Variants in THSD7B observed in about 807,000 individuals in gnomAD.
THSD7B encodes thrombospondin type-1 domain-containing protein 7B.
Under a neutral mutation model 213.6 loss-of-function variants are expected in THSD7B, and 138 were observed. That is an observed-to-expected ratio of 0.65 (90% CI 0.56 to 0.74). The LOEUF is 0.74. Ranked by LOEUF, THSD7B falls within the 30% of genes least tolerant of loss-of-function variation. The pLI is 0.00. For missense variants in THSD7B, 1,931 were observed against 1,991.5 expected (o/e 0.97, Z 0.58); for synonymous variants, 742 against 687.0 (o/e 1.08, Z -1.25).
chr2:137,651,216 A>G (rs978828024), intron 21 of THSD7B, among the ~76,000 whole-genome samples: 3 of 151,846 alleles, frequency 2.0e-5, no homozygotes, highest in South Asian at 2.1e-4. Flanking sequence ...GTTTTTTTTC[A>G]TGGGAGACTT....
In THSD7B at chr2:137,177,299, TG is replaced by T. The variant is rs561730485; in HGVS notation, c.1723+6362del. On this transcript the variant is annotated intron_variant, in intron 7 of 27. Transcript: ENST00000409968. ...CTTGTTTTTCAACTATTGAGTCATG[TG>T]TGACTCTGGAGGGGGACTAGGTTAC... is the stretch of plus-strand genomic sequence containing the variant. 1.4e-4 allele frequency among the ~76,000 whole-genome samples: 21 copies of T among 152,338 alleles called. 1 individual carries two copies. In the South Asian group the frequency reaches 4.3e-3, roughly 32 times the overall value.
At chr2:137,205,652 T>G (rs142909264) in intron 7 of THSD7B, among the ~76,000 whole-genome samples, 3 of 152,152 alleles carry the variant, frequency 2.0e-5, no homozygotes, top group African/African-American at 4.8e-5. Flanking sequence ...TGGAAACAAA[T>G]TTTTTCCAAG....
chr2:137,308,740 T>C lies in THSD7B; in HGVS notation c.2500+32714T>C, dbSNP rs549597060. 9.9e-5 allele frequency among the ~76,000 whole-genome samples: 15 copies of C among 152,270 alleles called. No individual in the cohort carries two copies. In the East Asian group the frequency reaches 2.5e-3, roughly 25 times the overall value. ...AAAATTACCTGAAATCTCACCAACCTAAAGAAACCACTATTTATTTTGATA... is the reference window on the plus strand; with the variant it reads ...AAAATTACCTGAAATCTCACCAACCCAAAGAAACCACTATTTATTTTGATA... On this transcript the variant is annotated intron_variant, in intron 12 of 27. Coordinates refer to ENST00000409968, the MANE Select transcript of THSD7B (RefSeq NM_001316349.2).
intron 15 of THSD7B, among the ~76,000 whole-genome samples, chr2:137,460,921 A>G (rs1687871368): frequency 6.6e-6 from 1 of 152,156 alleles, no homozygotes; most frequent in Non-Finnish European, 1.5e-5. Context: ...ATAATAGATT[A>G]GTTTTATCAC....
chr2:137,417,388 C>CT (rs1015676391), intron 14 of THSD7B, among the ~76,000 whole-genome samples: 15 of 151,020 alleles, frequency 9.9e-5, no homozygotes, highest in Middle Eastern at 3.4e-3. Context: ...ATTAAAAGAG[C>CT]TTTTTTTTTC....
In THSD7B at chr2:137,676,565, A is replaced by C. The variant is rs1294288340; in HGVS notation, c.4781A>C (p.Lys1594Thr). Residue 1594 changes from lysine (K) to threonine (T), a missense_variant, in exon 28 of 28, where the codon AAG becomes ACG. Coordinates refer to ENST00000409968, the MANE Select transcript of THSD7B (RefSeq NM_001316349.2). ...KPHQSTPPQQ[K>T]PLTLAYDGDL... ...CATCAAAGCACACCTCCCCAACAGAAGCCTCTGACCTTAGCCTACGATGGA... is the reference window on the plus strand; with the variant it reads ...CATCAAAGCACACCTCCCCAACAGACGCCTCTGACCTTAGCCTACGATGGA... The C allele has an allele frequency of 1.3e-6, 2 of 1,597,972 alleles. No homozygotes were observed. The highest frequency in any genetic ancestry group is 1.8e-5 in the Admixed American group (1 of 56,872).
At chr2:137,130,673 C>T (rs1325025581) in intron 5 of THSD7B, among the ~76,000 whole-genome samples, 22 of 151,142 alleles carry the variant, frequency 1.5e-4, no homozygotes. Context: ...ATGATGATTT[C>T]CAATTTCATC....
chr2:137,288,920 C>T (rs72852229), intron 12 of THSD7B, among the ~76,000 whole-genome samples: 14,683 of 151,958 alleles, frequency 0.097, 862 homozygotes, highest in Non-Finnish European at 0.13. Context: ...GAAAAGGATG[C>T]TCCTTCACTT....
intron 15 of THSD7B, among the ~76,000 whole-genome samples, chr2:137,471,402 C>T (rs1688092674): frequency 6.6e-6 from 1 of 152,142 alleles, no homozygotes; most frequent in Non-Finnish European, 1.5e-5. Flanking sequence ...AATACACCTT[C>T]ATAACTACCC....
At chr2:137,266,241 G>A (rs895604541) in intron 10 of THSD7B, among the ~76,000 whole-genome samples, 4 of 152,146 alleles carry the variant, frequency 2.6e-5, no homozygotes, top group Non-Finnish European at 5.9e-5. Flanking sequence ...GCAGTTATAA[G>A]AACTAGAAAC....
intron 16 of THSD7B, among the ~76,000 whole-genome samples, chr2:137,564,091 A>G (rs1681180995): frequency 1.3e-5 from 2 of 152,224 alleles, no homozygotes; most frequent in African/African-American, 4.8e-5. Context: ...ATTAGTATGT[A>G]AAATAAATAA....
rs1021242576 is a variant in THSD7B at position 137,346,823 on chromosome 2, A to G, written c.2501-58790A>G. Among the ~76,000 whole-genome samples, 3 of 151,708 alleles carry G rather than the reference A, an allele frequency of 2.0e-5. No homozygotes were observed. In the East Asian group the frequency reaches 5.8e-4, roughly 29 times the overall value. On this transcript the variant is annotated intron_variant, in intron 12 of 27. Transcript: ENST00000409968. Reference sequence around the variant, plus strand: ...CTACATTTTCTTTAACCATTCATTCATTCATTGGTCGACATTTAGGTTGCT... The same window carrying G: ...CTACATTTTCTTTAACCATTCATTCGTTCATTGGTCGACATTTAGGTTGCT...
At chr2:137,629,996 A>AT (rs5834566) in intron 20 of THSD7B, among the ~76,000 whole-genome samples, 2,111 of 147,704 alleles carry the variant, frequency 0.014, 26 homozygotes, top group Non-Finnish European at 0.023. Context: ...CCCAACTTCA[A>AT]TTTTTTTTTT....
intron 5 of THSD7B, among the ~76,000 whole-genome samples, chr2:137,154,633 G>C (rs1028413348): frequency 6.6e-6 from 1 of 151,852 alleles, no homozygotes; most frequent in African/African-American, 2.4e-5. Context: ...TGATTCTTTA[G>C]CATCTTATTT....
At chr2:137,305,597 T>A (rs769689444) in intron 12 of THSD7B, among the ~76,000 whole-genome samples, 1 of 152,150 alleles carries the variant, frequency 6.6e-6, no homozygotes, top group Non-Finnish European at 1.5e-5. Context: ...TAGGCTTAGC[T>A]GCTGCTTCAT....
chr2:137,432,019 G>T (rs572697277), intron 14 of THSD7B, among the ~76,000 whole-genome samples: 5 of 152,234 alleles, frequency 3.3e-5, no homozygotes, highest in East Asian at 3.9e-4. Flanking sequence ...AAATTGGAAA[G>T]ATCTTTATAT....
chr2:137,178,353 C>T (rs1254161068), intron 7 of THSD7B, among the ~76,000 whole-genome samples: 1 of 152,062 alleles, frequency 6.6e-6, no homozygotes, highest in African/African-American at 2.4e-5. Context: ...TTTTGCAGAC[C>T]ACCAACTGGT....
At chr2:137,183,791 A>C (rs1019976399) in intron 7 of THSD7B, among the ~76,000 whole-genome samples, 4 of 152,154 alleles carry the variant, frequency 2.6e-5, no homozygotes, top group Admixed American at 6.6e-5. Context: ...AATAGGAAAG[A>C]ACATCTATGG....
At chr2:137,599,066 G>A (rs1445793702) in intron 17 of THSD7B, among the ~76,000 whole-genome samples, 9 of 130,830 alleles carry the variant, frequency 6.9e-5, no homozygotes, top group Non-Finnish European at 1.4e-4. Context: ...CCAGAGTGTG[G>A]TATTCCCCTT....
Sources: allele counts gnomAD v4.1 joint callset (sites outside exome capture counted in the v4.1 genomes callset), GRCh38; gene constraint gnomAD v4.1.1; transcripts MANE v1.5; gene names NCBI Gene and HGNC (gene_info 2026-07-23, HGNC 2026-07-21).